The following FIG4 variants were observed in gnomAD, a reference collection of about 807,000 sequenced individuals.
FIG4 encodes FIG4 phosphoinositide 5-phosphatase.
FIG4 carries 112 observed loss-of-function variants against 118.6 expected under a neutral mutation model. The observed-to-expected ratio is 0.94, with a 90% CI of 0.81 to 1.11. The LOEUF (loss-of-function observed/expected upper bound fraction) is 1.11, where lower values mean the gene tolerates loss of function less well. Ranked by LOEUF, FIG4 falls within the 50% of genes least tolerant of loss-of-function variation. The pLI, the probability that FIG4 is intolerant of heterozygous loss-of-function variation, is 0.00. For missense variants in FIG4, 969 were observed against 1,111.7 expected (o/e 0.87, Z 1.83); for synonymous variants, 369 against 381.2 (o/e 0.97, Z 0.37).
intron 20 of FIG4, 78 bp from the exon 21 acceptor site, chr6:109,792,504 A>AT (rs1778161921): frequency 1.1e-6 from 1 of 879,912 alleles, no homozygotes; most frequent in Non-Finnish European, 1.9e-6. Context: ...TCACAGTTTC[A>AT]TTTTTTTGGG....
chr6:109,736,312 A>T (rs1776158612), intron 6 of FIG4, among the ~76,000 whole-genome samples: 1 of 152,134 alleles, frequency 6.6e-6, no homozygotes, highest in African/African-American at 2.4e-5. Context: ...GATCAACTCT[A>T]AAAAGGTTTA....
At chr6:109,707,498 C>A (rs1469067691) in intron 1 of FIG4, among the ~76,000 whole-genome samples, 5 of 150,424 alleles carry the variant, frequency 3.3e-5, no homozygotes, top group Non-Finnish European at 5.9e-5. Context: ...CCATGTATTT[C>A]TACAGATTTA....
chr6:109,691,577 G>A lies in FIG4; in HGVS notation c.66+76G>A, dbSNP rs1015287047. ...GTGGGTGTGGGGCCGTAGGACAGAG[G>A]CTGTACTCTGCCTCCTCCTCCTTCC... On this transcript the variant is annotated intron_variant, in intron 1 of 22. Transcript: ENST00000230124. 21 of 1,238,740 alleles carry A rather than the reference G, an allele frequency of 1.7e-5. No individual in the cohort carries two copies. In the African/African-American group the frequency reaches 2.7e-4, roughly 16 times the overall value. 76.7% of individuals were successfully genotyped at this position (1,238,740 alleles called of 1,614,324 possible). A position where few individuals can be genotyped will look rare whatever the true frequency, so the allele number is the denominator to read the frequency against.
At chr6:109,695,010 T>G (rs781563098) in intron 1 of FIG4, among the ~76,000 whole-genome samples, 1 of 152,184 alleles carries the variant, frequency 6.6e-6, no homozygotes, top group Non-Finnish European at 1.5e-5. Context: ...GTATAGCCAT[T>G]ATAGAAAACA....
intron 6 of FIG4, among the ~76,000 whole-genome samples, chr6:109,737,987 C>G (rs1467996224): frequency 6.6e-6 from 1 of 152,188 alleles, no homozygotes; most frequent in East Asian, 1.9e-4. Flanking sequence ...TGCTCAACCG[C>G]TACTTCCTGC....
At chr6:109,767,681 T>C (rs1777321817) in intron 15 of FIG4, among the ~76,000 whole-genome samples, 2 of 152,042 alleles carry the variant, frequency 1.3e-5, no homozygotes, top group African/African-American at 2.4e-5. Context: ...CCGTCCTGGC[T>C]AACATGGTGA....
intron 22 of FIG4, among the ~76,000 whole-genome samples, chr6:109,799,527 T>G (rs1778374733): frequency 6.6e-6 from 1 of 152,260 alleles, no homozygotes; most frequent in Non-Finnish European, 1.5e-5. Context: ...CTTGCTATGT[T>G]TTATTTTCTA....
chr6:109,769,265 C>G (rs1777385369), intron 15 of FIG4, among the ~76,000 whole-genome samples: 1 of 151,906 alleles, frequency 6.6e-6, no homozygotes, highest in African/African-American at 2.4e-5. Context: ...AGAGGACGGA[C>G]AGAATGACTG....
chr6:109,775,823 A>G (rs772138341), intron 15 of FIG4, among the ~76,000 whole-genome samples: 2 of 152,202 alleles, frequency 1.3e-5, no homozygotes, highest in Non-Finnish European at 2.9e-5. Flanking sequence ...TGTTTGATGT[A>G]CCGTATTTCG....
chr6:109,809,566 T>C (rs533943910), intron 22 of FIG4, among the ~76,000 whole-genome samples: 39 of 152,242 alleles, frequency 2.6e-4, no homozygotes, highest in African/African-American at 8.2e-4. Context: ...TCGCATAGGG[T>C]AGTTGATTAT....
At chr6:109,748,180 T>A (rs1776564715) in intron 10 of FIG4, among the ~76,000 whole-genome samples, 1 of 152,096 alleles carries the variant, frequency 6.6e-6, no homozygotes, top group Non-Finnish European at 1.5e-5. Context: ...TTCAAGTTGG[T>A]GATCATGATT....
At chr6:109,795,761 C>A (rs1778269304) in intron 21 of FIG4, among the ~76,000 whole-genome samples, 1 of 151,864 alleles carries the variant, frequency 6.6e-6, no homozygotes, top group East Asian at 1.9e-4. Context: ...GCCACCATGC[C>A]CAGCTAATTT....
At chr6:109,703,527 T>G (rs1486370749) in intron 1 of FIG4, among the ~76,000 whole-genome samples, 2 of 152,240 alleles carry the variant, frequency 1.3e-5, no homozygotes. Context: ...TTATCTTCTT[T>G]GTTCCTCCTT....
chr6:109,701,567 C>T (rs894961017), intron 1 of FIG4, among the ~76,000 whole-genome samples: 3 of 152,070 alleles, frequency 2.0e-5, no homozygotes, highest in East Asian at 3.9e-4. Context: ...TAGCAGGGGA[C>T]GGGGAGATGA....
At chr6:109,781,152 A>G (rs1583725042) in intron 16 of FIG4, among the ~76,000 whole-genome samples, 1 of 152,216 alleles carries the variant, frequency 6.6e-6, no homozygotes, top group East Asian at 1.9e-4. Flanking sequence ...GTTTTGGAAC[A>G]GTTCACTTAC....
Position 109,743,124 on chromosome 6 carries a change from T to C in FIG4, c.891T>C (p.Asn297=), listed in dbSNP as rs773532791. The change falls in exon 9 of 23, where the codon AAT becomes AAC. Residue 297 remains asparagine, a synonymous_variant. Coordinates refer to ENST00000230124, the MANE Select transcript of FIG4 (RefSeq NM_014845.6). The part of the protein sequence containing the change: ...RGANCEGDVA[N]EVETEQILCD... ...TTTCTTTTCAGGGTGATGTTGCAAATGAAGTGGAGACTGAACAAATACTCT... is the reference window on the plus strand; with the variant it reads ...TTTCTTTTCAGGGTGATGTTGCAAACGAAGTGGAGACTGAACAAATACTCT... 2 of 1,612,786 alleles carry C rather than the reference T, an allele frequency of 1.2e-6. No homozygotes were observed. Among genetic ancestry groups the C allele is most frequent in the East Asian group, 2.2e-5 (1 of 44,786 alleles).
At chr6:109,722,626 A>G (rs1328843967) in intron 3 of FIG4, among the ~76,000 whole-genome samples, 1 of 151,906 alleles carries the variant, frequency 6.6e-6, no homozygotes, top group Non-Finnish European at 1.5e-5. Context: ...ATATATATAT[A>G]TTTTAGTACT....
chr6:109,730,162 C>T (rs1207885284), intron 4 of FIG4, among the ~76,000 whole-genome samples: 1 of 152,064 alleles, frequency 6.6e-6, no homozygotes, highest in East Asian at 1.9e-4. Flanking sequence ...GGTCCTCCCA[C>T]CTCAGCCTCC....
At chr6:109,775,942 TATA>T (rs913954164) in intron 15 of FIG4, among the ~76,000 whole-genome samples, 26 of 152,374 alleles carry the variant, frequency 1.7e-4, no homozygotes, top group African/African-American at 6.2e-4. Context: ...AAATTGATTT[TATA>T]ATAATGTTAC....
Sources: gnomAD v4.1 joint callset for allele counts (sites outside exome capture counted in the v4.1 genomes callset) on GRCh38, gnomAD v4.1.1 for gene constraint, MANE v1.5 for transcripts, NCBI Gene and HGNC (gene_info 2026-07-23, HGNC 2026-07-21) for gene names.